LSAMP: variants seen among roughly 807,000 people sequenced by gnomAD.
The protein encoded by LSAMP is limbic system associated membrane protein.
A neutral mutation model predicts 38.6 loss-of-function variants in LSAMP; 7 were observed. The observed-to-expected ratio is 0.18, with a 90% CI of 0.10 to 0.34. The LOEUF is 0.34. Among genes scored for constraint, LSAMP ranks in the 10% least tolerant of loss-of-function variants. The probability of loss-of-function intolerance (pLI) is 1.00; values close to 1 mark genes in which losing one functional copy is unlikely to be tolerated. For missense variants in LSAMP, 313 were observed against 420.0 expected (o/e 0.75, Z 2.23); for synonymous variants, 154 against 166.8 (o/e 0.92, Z 0.59).
At chr3:116,142,489 AT>A (rs1709392936) in intron 1 of LSAMP, among the ~76,000 whole-genome samples, 1 of 152,050 alleles carries the variant, frequency 6.6e-6, no homozygotes, top group African/African-American at 2.4e-5. Context: ...ATCTCCAGCC[AT>A]AAGTCATTCC....
chr3:116,394,165 T>C (rs924291639), intron 1 of LSAMP, among the ~76,000 whole-genome samples: 4 of 152,186 alleles, frequency 2.6e-5, no homozygotes, highest in African/African-American at 9.7e-5. Flanking sequence ...ATGAGGTACT[T>C]TGTTCCACAG....
At chr3:116,190,385 T>C (rs1296382231) in intron 1 of LSAMP, among the ~76,000 whole-genome samples, 1 of 152,116 alleles carries the variant, frequency 6.6e-6, no homozygotes. Context: ...GATAGAGTGC[T>C]ACACTCAGAA....
intron 2 of LSAMP, among the ~76,000 whole-genome samples, chr3:116,064,072 A>T (rs1453708035): frequency 6.6e-6 from 1 of 152,238 alleles, no homozygotes; most frequent in Non-Finnish European, 1.5e-5. Context: ...AGTTCTAATG[A>T]AACTCAGTAA....
intron 1 of LSAMP, among the ~76,000 whole-genome samples, chr3:116,391,670 G>A (rs1015044871): frequency 1.3e-5 from 2 of 152,032 alleles, no homozygotes; most frequent in African/African-American, 2.4e-5. Flanking sequence ...GAATGATTCC[G>A]GGGAAATCAC....
chr3:116,113,457 G>T (rs1281730356), intron 1 of LSAMP, among the ~76,000 whole-genome samples: 3 of 103,622 alleles, frequency 2.9e-5, no homozygotes, highest in African/African-American at 1.2e-4. Context: ...ATGGAGTCTC[G>T]CTCTGTCGCC....
chr3:116,185,972 T>TG (rs1710605876), intron 1 of LSAMP, among the ~76,000 whole-genome samples: 3 of 151,902 alleles, frequency 2.0e-5, no homozygotes, highest in Admixed American at 6.6e-5. Flanking sequence ...AATCAAAGGC[T>TG]GCATGAAATG....
chr3:116,107,482 C>T (rs992495180), intron 1 of LSAMP, among the ~76,000 whole-genome samples: 4 of 152,068 alleles, frequency 2.6e-5, no homozygotes, highest in Admixed American at 1.3e-4. Context: ...GGTCCTGGCT[C>T]TTGTGTAAGA....
At chr3:116,178,386 T>G (rs577668138) in intron 1 of LSAMP, among the ~76,000 whole-genome samples, 1 of 152,276 alleles carries the variant, frequency 6.6e-6, no homozygotes, top group East Asian at 1.9e-4. Context: ...CAGGCTGGTC[T>G]CGAACTCCTG....
intron 1 of LSAMP, among the ~76,000 whole-genome samples, chr3:116,109,319 A>G (rs1415527301): frequency 5.3e-5 from 8 of 152,204 alleles, no homozygotes; most frequent in South Asian, 2.1e-4. Context: ...TATAGGGTGG[A>G]GGAGCAGAGG....
intron 3 of LSAMP, among the ~76,000 whole-genome samples, chr3:115,963,732 C>T (rs1234790986): frequency 6.6e-6 from 1 of 152,132 alleles, no homozygotes; most frequent in Non-Finnish European, 1.5e-5. Context: ...CCAATTAAGA[C>T]TCTATCCATT....
intron 1 of LSAMP, among the ~76,000 whole-genome samples, chr3:116,163,891 A>G (rs1184533685): frequency 6.6e-6 from 1 of 152,220 alleles, no homozygotes; most frequent in Non-Finnish European, 1.5e-5. Flanking sequence ...AAAACGAATA[A>G]GATCACACAT....
rs980128406 is a variant in LSAMP at position 116,133,241 on chromosome 3, CT to C, written c.156-46686del. On this transcript the variant is annotated intron_variant, in intron 1 of 6. Transcript: ENST00000490035. ...CTTGGTGAATCTCTTTCCACATTTA[CT>C]TTTTTTTCCTTTTTTTTTTGTTGTT... is the stretch of plus-strand genomic sequence containing the variant. Among the ~76,000 whole-genome samples the C allele has an allele frequency of 1.5e-4, 22 of 151,616 alleles. 1 individual carries two copies. Among genetic ancestry groups the C allele is most frequent in the African/African-American group, 4.4e-4 (18 of 41,296 alleles).
chr3:116,166,536 C>T (rs534932122), intron 1 of LSAMP, among the ~76,000 whole-genome samples: 79 of 152,238 alleles, frequency 5.2e-4, no homozygotes, highest in African/African-American at 1.9e-4. Flanking sequence ...ACTGAAACAA[C>T]GATAACACCA....
intron 1 of LSAMP, among the ~76,000 whole-genome samples, chr3:116,201,487 A>G (rs190503426): frequency 6.6e-6 from 1 of 152,304 alleles, no homozygotes; most frequent in Non-Finnish European, 1.5e-5. Flanking sequence ...TGGCTGGCAG[A>G]GTGCCCCAGT....
chr3:116,207,285 T>A (rs374913491), intron 1 of LSAMP, among the ~76,000 whole-genome samples: 6 of 152,178 alleles, frequency 3.9e-5, no homozygotes, highest in East Asian at 1.9e-4. Context: ...TTTTATTTTG[T>A]GCCTATGTGT....
intron 1 of LSAMP, among the ~76,000 whole-genome samples, chr3:116,244,984 T>C (rs1215583083): frequency 2.0e-5 from 3 of 152,226 alleles, no homozygotes; most frequent in African/African-American, 7.2e-5. Flanking sequence ...CATATCATCA[T>C]AGTTATTAGG....
chr3:116,103,464 C>CAAAAAAAAA (rs59732794), intron 1 of LSAMP, among the ~76,000 whole-genome samples: 4 of 42,814 alleles, frequency 9.3e-5, no homozygotes, highest in Non-Finnish European at 1.6e-4. Context: ...GACTCCTTCT[C>CAAAAAAAAA]AAAAAAAAAA....
chr3:116,381,648 G>T (rs1348264498), intron 1 of LSAMP, among the ~76,000 whole-genome samples: 1 of 152,072 alleles, frequency 6.6e-6, no homozygotes, highest in African/African-American at 2.4e-5. Flanking sequence ...CTTGAGCCCT[G>T]ATGAACTTTT....
intron 1 of LSAMP, among the ~76,000 whole-genome samples, chr3:116,242,670 G>A (rs943632340): frequency 3.3e-5 from 5 of 150,342 alleles, no homozygotes; most frequent in African/African-American, 1.2e-4. Context: ...CAAGGCTTTG[G>A]TTCCACTTTC....
Sources: allele counts gnomAD v4.1 joint callset (sites outside exome capture counted in the v4.1 genomes callset), GRCh38; gene constraint gnomAD v4.1.1; transcripts MANE v1.5; gene names NCBI Gene and HGNC (gene_info 2026-07-23, HGNC 2026-07-21).